AGBL4: variants seen among roughly 807,000 people sequenced by gnomAD.
AGBL4 encodes cytosolic carboxypeptidase 6.
AGBL4 carries 58 observed loss-of-function variants against 66.4 expected under a neutral mutation model. That is an observed-to-expected ratio of 0.87 (90% CI 0.71 to 1.09). The LOEUF is 1.09. Ranked by LOEUF, AGBL4 falls within the 50% of genes least tolerant of loss-of-function variation. The pLI is 0.00. For missense variants in AGBL4, 579 were observed against 631.0 expected (o/e 0.92, Z 0.88); for synonymous variants, 234 against 222.9 (o/e 1.05, Z -0.44).
intron 3 of AGBL4, among the ~76,000 whole-genome samples, chr1:49,323,933 GC>G (rs1645178043): frequency 6.6e-6 from 1 of 152,090 alleles, no homozygotes; most frequent in South Asian, 2.1e-4. Flanking sequence ...TATTTTAGTT[GC>G]TTTTTCCCTG....
intron 6 of AGBL4, among the ~76,000 whole-genome samples, chr1:48,801,635 T>A (rs1645810545): frequency 6.6e-6 from 1 of 152,218 alleles, no homozygotes; most frequent in Non-Finnish European, 1.5e-5. Context: ...GATTTTCAGG[T>A]TCCCCAGTGG....
At chr1:48,763,240 G>A (rs1178886109) in intron 6 of AGBL4, among the ~76,000 whole-genome samples, 1 of 152,170 alleles carries the variant, frequency 6.6e-6, no homozygotes, top group East Asian at 1.9e-4. Flanking sequence ...CCACTGAGTG[G>A]AGGAGCAATC....
intron 1 of AGBL4, among the ~76,000 whole-genome samples, chr1:49,950,234 A>T (rs1386425165): frequency 6.7e-6 from 1 of 150,128 alleles, no homozygotes; most frequent in African/African-American, 2.4e-5. Context: ...AAAAGGAATG[A>T]ACTAATGGTA....
At chr1:49,778,995 A>G (rs146859857) in intron 2 of AGBL4, among the ~76,000 whole-genome samples, 132 of 152,354 alleles carry the variant, frequency 8.7e-4, no homozygotes, top group African/African-American at 3.1e-3. Flanking sequence ...ATGGAAAAAA[A>G]TTTATACTCA....
Position 49,846,171 on chromosome 1 carries a change from G to A in AGBL4, c.157+5225C>T, listed in dbSNP as rs1030076324. 1.2e-5 allele frequency: 17 copies of A among 1,457,178 alleles called. No homozygotes were observed. The East Asian group carries it at 2.7e-4, about 23-fold the overall frequency. The allele number at this position is 1,457,178 out of a possible 1,614,324, so 90.3% of individuals were successfully genotyped here. On this transcript the variant is annotated intron_variant, in intron 2 of 13. Coordinates refer to ENST00000371839, the MANE Select transcript of AGBL4 (RefSeq NM_032785.4). Reference sequence around the variant, plus strand: ...GAAAAGCCCTATGGGTTCAATAAGTGTGGGAAATCCTTCAACCACAGCTCC... The same window carrying A: ...GAAAAGCCCTATGGGTTCAATAAGTATGGGAAATCCTTCAACCACAGCTCC...
At chr1:49,339,135 T>G (rs2148502510) in intron 3 of AGBL4, among the ~76,000 whole-genome samples, 1 of 152,102 alleles carries the variant, frequency 6.6e-6, no homozygotes, top group South Asian at 2.1e-4. Flanking sequence ...TAAGGAAGAG[T>G]GCATTGTTAC....
intron 3 of AGBL4, among the ~76,000 whole-genome samples, chr1:49,381,564 T>C (rs535651562): frequency 6.6e-6 from 1 of 152,176 alleles, no homozygotes; most frequent in African/African-American, 2.4e-5. Flanking sequence ...TATTACGGCG[T>C]TATTCACAAT....
At chr1:48,696,696 C>T (rs758248004) in intron 6 of AGBL4, among the ~76,000 whole-genome samples, 9 of 152,186 alleles carry the variant, frequency 5.9e-5, no homozygotes, top group Non-Finnish European at 1.3e-4. Flanking sequence ...GGGCTTCACT[C>T]AGCATCTGTT....
chr1:49,313,843 T>C (rs936922827), intron 3 of AGBL4, among the ~76,000 whole-genome samples: 2 of 152,236 alleles, frequency 1.3e-5, no homozygotes, highest in Non-Finnish European at 2.9e-5. Context: ...TGATAGTTTG[T>C]TTTGCTGGGC....
intron 6 of AGBL4, among the ~76,000 whole-genome samples, chr1:48,802,531 T>A (rs2148745456): frequency 6.6e-6 from 1 of 152,314 alleles, no homozygotes; most frequent in Middle Eastern, 3.4e-3. Flanking sequence ...CTTGGTGAAC[T>A]CTGATGTAAA....
intron 6 of AGBL4, among the ~76,000 whole-genome samples, chr1:48,713,427 G>A (rs932828717): frequency 6.6e-6 from 1 of 152,190 alleles, no homozygotes; most frequent in Non-Finnish European, 1.5e-5. Context: ...GTTCATTAGT[G>A]GTGGAAAAGG....
intron 3 of AGBL4, among the ~76,000 whole-genome samples, chr1:49,419,042 T>C (rs1383578550): frequency 2.6e-5 from 4 of 152,176 alleles, no homozygotes; most frequent in African/African-American, 9.7e-5. Context: ...AGGGAAAGGA[T>C]GGAGATAAAT....
chr1:48,552,244 A>G (rs915507343), intron 11 of AGBL4, among the ~76,000 whole-genome samples: 4 of 151,958 alleles, frequency 2.6e-5, no homozygotes, highest in Non-Finnish European at 5.9e-5. Flanking sequence ...TTGTGTTTTT[A>G]ACAGAGACGA....
chr1:48,953,755 T>G (rs1021733060), intron 5 of AGBL4, among the ~76,000 whole-genome samples: 2 of 152,178 alleles, frequency 1.3e-5, no homozygotes, highest in Non-Finnish European at 2.9e-5. Context: ...CATGTACTAT[T>G]TAAGATTCCC....
chr1:48,677,669 T>C (rs1187590811), intron 6 of AGBL4, among the ~76,000 whole-genome samples: 1 of 152,166 alleles, frequency 6.6e-6, no homozygotes, highest in Non-Finnish European at 1.5e-5. Flanking sequence ...AACCCTGCGC[T>C]CTTCCCTGAC....
chr1:48,959,231 A>G (rs1012560485), intron 5 of AGBL4, among the ~76,000 whole-genome samples: 6 of 152,174 alleles, frequency 3.9e-5, no homozygotes, highest in African/African-American at 1.2e-4. Context: ...TAAATTGGAG[A>G]TTATAATACC....
chr1:48,996,278 G>A (rs1371556983), intron 5 of AGBL4, among the ~76,000 whole-genome samples: 3 of 152,202 alleles, frequency 2.0e-5, no homozygotes, highest in Non-Finnish European at 4.4e-5. Flanking sequence ...GGTTGAAAAT[G>A]TAGATATGGA....
rs545331759 is a variant in AGBL4, at chr1:49,730,620, C to T, written c.158-33183G>A. ...AGTTTTCAGGTGCTGCCATGTCCAC[C>T]TCATCTAGATGCTGGCACCCAAGAT... On this transcript the variant is annotated intron_variant, in intron 2 of 13. Coordinates refer to ENST00000371839, the MANE Select transcript of AGBL4 (RefSeq NM_032785.4). Among the ~76,000 whole-genome samples the T allele has an allele frequency of 2.0e-5, 3 of 152,302 alleles. No homozygotes were observed. The South Asian group carries it at 6.2e-4, about 32-fold the overall frequency.
chr1:49,526,969 T>G (rs1650706740), intron 3 of AGBL4, among the ~76,000 whole-genome samples: 1 of 152,184 alleles, frequency 6.6e-6, no homozygotes, highest in Admixed American at 6.5e-5. Flanking sequence ...AATTCAACTT[T>G]ATTTGAAGAA....
Sources: gnomAD v4.1 joint callset for allele counts (sites outside exome capture counted in the v4.1 genomes callset) on GRCh38, gnomAD v4.1.1 for gene constraint, MANE v1.5 for transcripts, NCBI Gene and HGNC (gene_info 2026-07-23, HGNC 2026-07-21) for gene names.